Variants in SPOCK1 observed in about 807,000 individuals in gnomAD.
SPOCK1 encodes the protein SPARC (osteonectin), cwcv and kazal like domains proteoglycan 1, also known as testican-1.
Under a neutral mutation model 55.3 loss-of-function variants are expected in SPOCK1, and 23 were observed. That is an observed-to-expected ratio of 0.42 (90% CI 0.30 to 0.59). The LOEUF is 0.59. SPOCK1 is among the 20% of genes least tolerant of loss of function. SPOCK1 has a pLI of 0.22. For synonymous variants in SPOCK1, 226 were observed against 221.0 expected (o/e 1.02, Z -0.20); for missense variants, 499 against 552.5 (o/e 0.90, Z 0.97).
At chr5:137,002,597 C>T (rs529361996) in intron 6 of SPOCK1, among the ~76,000 whole-genome samples, 2 of 152,266 alleles carry the variant, frequency 1.3e-5, no homozygotes, top group South Asian at 4.1e-4. Flanking sequence ...GACTTGAAAT[C>T]GATTAGCAGC....
chr5:137,183,954 C>T (rs927370317), intron 3 of SPOCK1, among the ~76,000 whole-genome samples: 21 of 152,176 alleles, frequency 1.4e-4, no homozygotes, highest in African/African-American at 4.8e-4. Flanking sequence ...TATTATCTAT[C>T]GCATAGGAGA....
intron 3 of SPOCK1, among the ~76,000 whole-genome samples, chr5:137,188,454 T>C (rs1434311533): frequency 2.6e-5 from 4 of 152,220 alleles, no homozygotes; most frequent in Non-Finnish European, 4.4e-5. Flanking sequence ...ATTATCATTA[T>C]ATGTATTAGG....
chr5:137,439,254 T>C (rs1752933465), intron 2 of SPOCK1, among the ~76,000 whole-genome samples: 1 of 152,084 alleles, frequency 6.6e-6, no homozygotes, highest in African/African-American at 2.4e-5. Context: ...AAAGACCCAG[T>C]TTCTATGCCA....
chr5:137,177,127 G>T (rs917515075), intron 3 of SPOCK1, among the ~76,000 whole-genome samples: 1 of 152,204 alleles, frequency 6.6e-6, no homozygotes, highest in Admixed American at 6.5e-5. Context: ...TCAGGGAAAA[G>T]AGATGAATGA....
chr5:137,404,368 T>C (rs4484423), intron 2 of SPOCK1, among the ~76,000 whole-genome samples: 151,422 of 151,600 alleles, frequency 1, 75,622 homozygotes, highest in Middle Eastern at 1. Context: ...TTTTTAGATG[T>C]CATCTTCTAT....
chr5:137,086,868 A>G (rs1459546018), intron 5 of SPOCK1, among the ~76,000 whole-genome samples: 1 of 152,108 alleles, frequency 6.6e-6, no homozygotes, highest in African/African-American at 2.4e-5. Flanking sequence ...TAAGTTTTTT[A>G]CTGTGCAGCA....
At chr5:137,440,669 A>G (rs1293940301) in intron 2 of SPOCK1, among the ~76,000 whole-genome samples, 7 of 152,266 alleles carry the variant, frequency 4.6e-5, no homozygotes, top group East Asian at 1.9e-4. Context: ...AAGTGTTGAT[A>G]TAAATGGAAA....
At chr5:136,989,166 G>A (rs552844762) in intron 7 of SPOCK1, among the ~76,000 whole-genome samples, 1 of 152,316 alleles carries the variant, frequency 6.6e-6, no homozygotes, top group East Asian at 1.9e-4. Context: ...CAAGCCAGGT[G>A]CCTGCCTCTG....
In SPOCK1 at chr5:137,451,407, A is replaced by T. The variant is rs540514935; in HGVS notation, c.186+46966T>A. Among the ~76,000 whole-genome samples the T allele has an allele frequency of 8.5e-5, 13 of 152,308 alleles. No individual in the cohort carries two copies. In the South Asian group the frequency reaches 2.7e-3, roughly 32 times the overall value. ...ATGAACTCAATGCAATCACAGTGCTATTTACAATGTATTCAATTTTGCAGG... is the reference window on the plus strand; with the variant it reads ...ATGAACTCAATGCAATCACAGTGCTTTTTACAATGTATTCAATTTTGCAGG... On this transcript the variant is annotated intron_variant, in intron 2 of 10. Coordinates refer to ENST00000394945, the MANE Select transcript of SPOCK1 (RefSeq NM_004598.4).
intron 2 of SPOCK1, among the ~76,000 whole-genome samples, chr5:137,460,807 T>A (rs4264936): frequency 0.72 from 108,867 of 152,000 alleles, 39,313 homozygotes; most frequent in East Asian, 0.89. Flanking sequence ...ACTCCACACA[T>A]CCTTCTTTTA....
chr5:137,302,201 T>C (rs1309417293), intron 2 of SPOCK1, among the ~76,000 whole-genome samples: 1 of 152,134 alleles, frequency 6.6e-6, no homozygotes, highest in Non-Finnish European at 1.5e-5. Flanking sequence ...TTTTGAATGA[T>C]AAATTGTAGG....
At chr5:137,471,172 AGAGCCACATAGGGT>A (rs1350940806) in intron 2 of SPOCK1, among the ~76,000 whole-genome samples, 2 of 152,246 alleles carry the variant, frequency 1.3e-5, no homozygotes, top group Non-Finnish European at 2.9e-5. Flanking sequence ...TGAGGTCCCC[AGAGCCACATAGGGT>A]GATCCTGGGC....
At chr5:137,319,375 A>C (rs1757938630) in intron 2 of SPOCK1, among the ~76,000 whole-genome samples, 1 of 152,192 alleles carries the variant, frequency 6.6e-6, no homozygotes, top group South Asian at 2.1e-4. Context: ...AAAACCATTC[A>C]TTACCCCTTT....
chr5:137,074,847 G>A (rs1228026839), intron 5 of SPOCK1, among the ~76,000 whole-genome samples: 1 of 152,170 alleles, frequency 6.6e-6, no homozygotes, highest in Non-Finnish European at 1.5e-5. Context: ...TGGGACTACA[G>A]GCACCCGCCA....
chr5:137,360,238 G>T (rs1750912195), intron 2 of SPOCK1, among the ~76,000 whole-genome samples: 1 of 152,198 alleles, frequency 6.6e-6, no homozygotes, highest in South Asian at 2.1e-4. Flanking sequence ...AAGGAAGAAG[G>T]CAGGCATTGT....
chr5:137,317,349 G>A lies in SPOCK1; in HGVS notation c.187-50294C>T, dbSNP rs1757896107. ...TCCATCTCCTGGCCATGGAGTAAGG[G>A]TAGTGAGATCTGGTGGTCTCCAACC... On this transcript the variant is annotated intron_variant, in intron 2 of 10. Coordinates refer to ENST00000394945, the MANE Select transcript of SPOCK1 (RefSeq NM_004598.4). 2.6e-5 allele frequency among the ~76,000 whole-genome samples: 4 copies of A among 152,190 alleles called. No homozygotes were observed. The South Asian group carries it at 8.3e-4, about 32-fold the overall frequency.
chr5:137,313,744 A>G (rs1489953804), intron 2 of SPOCK1, among the ~76,000 whole-genome samples: 1 of 150,532 alleles, frequency 6.6e-6, no homozygotes, highest in Admixed American at 6.6e-5. Flanking sequence ...AGCTCCTTGG[A>G]CCAAGGGCAT....
intron 3 of SPOCK1, among the ~76,000 whole-genome samples, chr5:137,263,848 A>G (rs1756797907): frequency 6.6e-6 from 1 of 152,212 alleles, no homozygotes; most frequent in South Asian, 2.1e-4. Flanking sequence ...ATTCACTTAA[A>G]GATAACAAGT....
intron 6 of SPOCK1, among the ~76,000 whole-genome samples, chr5:137,024,525 G>T (rs528180834): frequency 6.6e-6 from 1 of 151,572 alleles, no homozygotes; most frequent in Non-Finnish European, 1.5e-5. Context: ...ACCCCTCTGT[G>T]GCTCTAACAT....
Sources: gnomAD v4.1 joint callset for allele counts (sites outside exome capture counted in the v4.1 genomes callset) on GRCh38, gnomAD v4.1.1 for gene constraint, MANE v1.5 for transcripts, NCBI Gene and HGNC (gene_info 2026-07-23, HGNC 2026-07-21) for gene names.